The following WDFY3 variants were observed in gnomAD, a reference collection of about 807,000 sequenced individuals.
The protein encoded by WDFY3 is WD repeat and FYVE domain containing 3.
WDFY3 carries 66 observed loss-of-function variants against 409.6 expected under a neutral mutation model. That is an observed-to-expected ratio of 0.16 (90% CI 0.13 to 0.20). The LOEUF is 0.20. Among genes scored for constraint, WDFY3 ranks in the 10% least tolerant of loss-of-function variants. WDFY3 has a pLI of 1.00. For synonymous variants in WDFY3, 1,521 were observed against 1,537.1 expected (o/e 0.99, Z 0.25); for missense variants, 3,031 against 4,298.1 (o/e 0.71, Z 8.24).
chr4:84,854,839 G>A (rs1017140989), intron 4 of WDFY3, among the ~76,000 whole-genome samples: 1 of 152,172 alleles, frequency 6.6e-6, no homozygotes, highest in Admixed American at 6.5e-5. Flanking sequence ...AACCTGGGAG[G>A]TGGAGGTTGC....
chr4:84,813,470 CT>C (rs1752817561), intron 13 of WDFY3, among the ~76,000 whole-genome samples: 1 of 152,170 alleles, frequency 6.6e-6, no homozygotes, highest in Non-Finnish European at 1.5e-5. Flanking sequence ...ATTATCTATG[CT>C]TTTACGTATC....
chr4:84,906,320 TG>T (rs1179190175), intron 2 of WDFY3, among the ~76,000 whole-genome samples: 4 of 152,142 alleles, frequency 2.6e-5, no homozygotes, highest in African/African-American at 9.7e-5. Context: ...CTCAAAGCAG[TG>T]AAGTTTGTGT....
chr4:84,787,754 T>G lies in WDFY3; in HGVS notation c.3670-41A>C, dbSNP rs374792642. 5.1e-5 allele frequency: 78 copies of G among 1,518,050 alleles called. No individual in the cohort carries two copies. In the African/African-American group the frequency reaches 1.0e-3, roughly 20 times the overall value. The allele number at this position is 1,518,050 out of a possible 1,614,324, so 94.0% of individuals were successfully genotyped here. ...AAGCAAATGTGTGAGATGTGAACACTTTCCCCAGGAAAATAACTACTTCAG... is the reference window on the plus strand; with the variant it reads ...AAGCAAATGTGTGAGATGTGAACACGTTCCCCAGGAAAATAACTACTTCAG... On this transcript the variant is annotated intron_variant, in intron 22 of 67. Coordinates refer to ENST00000295888, the MANE Select transcript of WDFY3 (RefSeq NM_014991.6).
At chr4:84,717,747 T>C (rs1039862495) in intron 48 of WDFY3, among the ~76,000 whole-genome samples, 2 of 152,152 alleles carry the variant, frequency 1.3e-5, no homozygotes, top group Admixed American at 6.5e-5. Flanking sequence ...GTGCTCCGAG[T>C]ACCTGATGAT....
chr4:84,707,365 T>A (rs1322143006), intron 53 of WDFY3, among the ~76,000 whole-genome samples: 3 of 152,068 alleles, frequency 2.0e-5, no homozygotes, highest in Non-Finnish European at 4.4e-5. Flanking sequence ...CCAATAAAGA[T>A]GAGGAGGGCC....
At position 84,702,973 on chromosome 4, in the gene WDFY3, G is replaced by A. The variant is rs564298038; in HGVS notation, c.8443-467C>T. 2.2e-4 allele frequency among the ~76,000 whole-genome samples: 34 copies of A among 152,160 alleles called. 1 individual carries two copies. The South Asian group carries it at 6.9e-3, about 31-fold the overall frequency. On this transcript the variant is annotated intron_variant, in intron 55 of 67. Transcript: ENST00000295888. ...TAGCCTGGCGAGGTGGCGGGCGCCT[G>A]TAGTCCCAGCTACTTGGGAGGCTGA...
chr4:84,703,691 T>G (rs1007093386), intron 55 of WDFY3, among the ~76,000 whole-genome samples: 1 of 152,084 alleles, frequency 6.6e-6, no homozygotes, highest in African/African-American at 2.4e-5. Flanking sequence ...TCCTTTAGAC[T>G]TTTTTTCACA....
chr4:84,692,749 G>A (rs1729466902), intron 59 of WDFY3, 136 bp downstream of exon 59: 6 of 798,720 alleles, frequency 7.5e-6, no homozygotes, highest in Non-Finnish European at 1.1e-5. Context: ...TAGGTATTTA[G>A]TAATCTAACA....
chr4:84,768,302 A>AT (rs1744042775), intron 30 of WDFY3, among the ~76,000 whole-genome samples: 1 of 152,206 alleles, frequency 6.6e-6, no homozygotes, highest in Admixed American at 6.5e-5. Context: ...TTCTCAACAG[A>AT]TTTTTTTCCA....
intron 30 of WDFY3, among the ~76,000 whole-genome samples, chr4:84,769,134 G>C (rs1166361737): frequency 6.6e-6 from 1 of 152,192 alleles, no homozygotes; most frequent in Non-Finnish European, 1.5e-5. Flanking sequence ...ATGAGAAGCT[G>C]CTTCTTACAG....
chr4:84,854,203 C>T (rs1221537339), intron 4 of WDFY3, among the ~76,000 whole-genome samples: 1 of 152,042 alleles, frequency 6.6e-6, no homozygotes, highest in Non-Finnish European at 1.5e-5. Context: ...AAGAGGGTTG[C>T]AGGCAGTGAG....
chr4:84,925,809 G>A (rs1579154443), intron 2 of WDFY3, among the ~76,000 whole-genome samples: 2 of 151,886 alleles, frequency 1.3e-5, no homozygotes, highest in African/African-American at 4.8e-5. Flanking sequence ...ACTTTCAAAT[G>A]GTCCAGCAGT....
At position 84,809,950 on chromosome 4, in the gene WDFY3, G is replaced by C. The variant is rs146013372; in HGVS notation, c.2282C>G (p.Thr761Arg). The change falls in exon 14 of 68, where the codon ACG becomes AGG. Residue 761 changes from threonine to arginine, a missense_variant. Around this residue, in one of 16 missense-constraint regions of WDFY3, gnomAD observed 1,322 missense variants for 1,697.9 expected, o/e 0.78. Transcript: ENST00000295888. ...DVISIESVSP[T>R]LRHCSKLFIY... ...AAAAAGTTTACTGCAGTGCCGTAAC[G>C]TGGGTGACACTGATTCTATTGAGAT... 6.2e-7 allele frequency: 1 copy of C among 1,614,114 alleles called. No homozygotes were observed. Among genetic ancestry groups the C allele is most frequent in the Middle Eastern group, 1.6e-4 (1 of 6,062 alleles).
rs556339125 is a variant in WDFY3, at chr4:84,891,348, A to G, written c.-32+5563T>C. ...GACTGATTCATAGTGCTACATATAT[A>G]TAAGCACTTTTTATTTTCAACCAAA... On this transcript the variant is annotated intron_variant, in intron 3 of 67. Coordinates refer to ENST00000295888, the MANE Select transcript of WDFY3 (RefSeq NM_014991.6). Among the ~76,000 whole-genome samples, 169 of 152,330 alleles carry G rather than the reference A, an allele frequency of 1.1e-3. 2 individuals are homozygous for G. The highest frequency in any genetic ancestry group is 3.8e-3 in the African/African-American group (156 of 41,580).
rs1193050206 is a variant in WDFY3, at chr4:84,724,485, T to C, written c.7382A>G (p.Glu2461Gly). The C allele has an allele frequency of 5.0e-6, 8 of 1,614,006 alleles. No homozygotes were observed. The Admixed American group carries it at 1.3e-4, about 27-fold the overall frequency. The part of the protein sequence containing the change: ...IVQDAIVESS[E>G]GEAAQQEPEH... Reference sequence around the variant, plus strand: ...TGGTTCTTGCTGAGCAGCTTCACCTTCTGAACTCTCCACAATGGCGTCTTG... The same window carrying C: ...TGGTTCTTGCTGAGCAGCTTCACCTCCTGAACTCTCCACAATGGCGTCTTG... Residue 2461 changes from glutamate to glycine, a missense_variant, in exon 46 of 68, where the codon GAA becomes GGA. Transcript: ENST00000295888.
intron 1 of WDFY3, among the ~76,000 whole-genome samples, chr4:84,943,754 C>T (rs969594995): frequency 1.7e-4 from 26 of 152,238 alleles, no homozygotes; most frequent in African/African-American, 6.3e-4. Context: ...ACAAAATCAT[C>T]ATCAACTAGT....
At chr4:84,839,559 T>TAA (rs752155113) in intron 6 of WDFY3, among the ~76,000 whole-genome samples, 3 of 142,170 alleles carry the variant, frequency 2.1e-5, no homozygotes, top group Non-Finnish European at 3.1e-5. Context: ...TTCCCTGAGT[T>TAA]AAAAAAAAAA....
At chr4:84,873,349 T>TA (rs1762373677) in intron 3 of WDFY3, among the ~76,000 whole-genome samples, 1 of 152,116 alleles carries the variant, frequency 6.6e-6, no homozygotes, top group Non-Finnish European at 1.5e-5. Flanking sequence ...AGAATGGAAT[T>TA]AAAAGAGAAA....
intron 6 of WDFY3, among the ~76,000 whole-genome samples, chr4:84,840,381 T>A (rs1476037955): frequency 2.0e-5 from 3 of 152,178 alleles, no homozygotes; most frequent in Non-Finnish European, 4.4e-5. Context: ...AATTTAAAAC[T>A]ATTTTCCATG....
Sources: allele counts gnomAD v4.1 joint callset (sites outside exome capture counted in the v4.1 genomes callset), GRCh38; gene constraint gnomAD v4.1.1; regional missense constraint gnomAD v4.1.1; transcripts MANE v1.5; gene names NCBI Gene and HGNC (gene_info 2026-07-23, HGNC 2026-07-21).